SRSF10: variants seen among roughly 807,000 people sequenced by gnomAD.
The protein encoded by SRSF10 is serine and arginine rich splicing factor 10, also known as serine/arginine-rich splicing factor 10.
Under a neutral mutation model 32.6 loss-of-function variants are expected in SRSF10, and 9 were observed. The ratio of observed to expected loss-of-function variants is 0.28; its 90% CI spans 0.17 to 0.48. The LOEUF is 0.48. SRSF10 is among the 20% of genes least tolerant of loss of function. SRSF10 has a pLI of 0.99. For synonymous variants in SRSF10, 105 were observed against 112.4 expected (o/e 0.93, Z 0.42); for missense variants, 201 against 331.8 (o/e 0.61, Z 3.06).
At position 23,965,390 on chromosome 1, in the gene SRSF10, C is replaced by T. The variant is rs1184841981; in HGVS notation, c.*5752G>A. On this transcript the variant is annotated 3_prime_UTR_variant, in exon 6 of 6. Transcript: ENST00000492112. ...AGCCATGCTTAGAGTCTCTGAGCCACACAACCATAAGATCTTCGAGTACGT... is the reference window on the plus strand; with the variant it reads ...AGCCATGCTTAGAGTCTCTGAGCCATACAACCATAAGATCTTCGAGTACGT... The T allele has an allele frequency of 2.0e-5, 3 of 151,970 alleles. No homozygotes were observed. Among genetic ancestry groups the T allele is most frequent in the Non-Finnish European group, 4.4e-5 (3 of 67,850 alleles). The allele number at this position is 151,970 out of a possible 1,614,324, so 9.4% of individuals were successfully genotyped here.
intron 3 of SRSF10, 60 bp from the exon 4 acceptor site, chr1:23,972,072 A>G: frequency 7.3e-7 from 1 of 1,374,286 alleles, no homozygotes; most frequent in East Asian, 2.6e-5. Flanking sequence ...AAAGCCCTCA[A>G]TAAATAGGGA....
chr1:23,972,063 A>C, intron 3 of SRSF10, 51 bp from the exon 4 acceptor site: 1 of 1,408,234 alleles, frequency 7.1e-7, no homozygotes, highest in Non-Finnish European at 9.3e-7. Context: ...AACAGTATTA[A>C]AGCCCTCAAT....
Position 23,968,009 on chromosome 1 carries a change from A to G in SRSF10, c.*3133T>C. The stretch of plus-strand genomic sequence containing the variant: ...AGATCTTAAGTAAAAGGAGAGGTGA[A>G]GTGTGTCAGCCCTCATTTGAGTGTT... On this transcript the variant is annotated 3_prime_UTR_variant, in exon 6 of 6. Coordinates refer to ENST00000492112, the MANE Select transcript of SRSF10 (RefSeq NM_054016.4). 6.5e-7 allele frequency: 1 copy of G among 1,537,364 alleles called. No homozygotes were observed. Among genetic ancestry groups the G allele is most frequent in the African/African-American group, 1.4e-5 (1 of 72,918 alleles).
Position 23,967,945 on chromosome 1 carries a change from T to G in SRSF10, c.*3197A>C. ...GAAGCATTATCTCTCATTTTTCTTCTTGCTTACTTGGCTTCAAAAAAAAAA... is the reference window on the plus strand; with the variant it reads ...GAAGCATTATCTCTCATTTTTCTTCGTGCTTACTTGGCTTCAAAAAAAAAA... On this transcript the variant is annotated 3_prime_UTR_variant, in exon 6 of 6. Coordinates refer to ENST00000492112, the MANE Select transcript of SRSF10 (RefSeq NM_054016.4). 1 of 1,515,576 alleles carries G rather than the reference T, an allele frequency of 6.6e-7. No homozygotes were observed. The highest frequency in any genetic ancestry group is 8.8e-7 in the Non-Finnish European group (1 of 1,134,030). 93.9% of individuals were successfully genotyped at this position (1,515,576 alleles called of 1,614,324 possible). A position where few individuals can be genotyped will look rare whatever the true frequency, so the allele number is the denominator to read the frequency against.
At position 23,965,775 on chromosome 1, in the gene SRSF10, T is replaced by C. The variant is rs1641420493; in HGVS notation, c.*5367A>G. ...CTACCAACTGTTGTTATTGTAGTTATATATGTATTTACCTAATTTTTTTTA... is the reference window on the plus strand; with the variant it reads ...CTACCAACTGTTGTTATTGTAGTTACATATGTATTTACCTAATTTTTTTTA... On this transcript the variant is annotated 3_prime_UTR_variant, in exon 6 of 6. Transcript: ENST00000492112. 1 of 151,974 alleles carries C rather than the reference T, an allele frequency of 6.6e-6. No homozygotes were observed. The highest frequency in any genetic ancestry group is 2.4e-5 in the African/African-American group (1 of 41,444). 9.4% of individuals were successfully genotyped at this position (151,974 alleles called of 1,614,324 possible).
Position 23,971,115 on chromosome 1 carries a change from G to T in SRSF10, c.*27C>A, listed in dbSNP as rs774849934. ...AACTATGAGTAAATGAATGATACATGCCTAAAAATGACCATGGTTTATACT... is the reference window on the plus strand; with the variant it reads ...AACTATGAGTAAATGAATGATACATTCCTAAAAATGACCATGGTTTATACT... On this transcript the variant is annotated 3_prime_UTR_variant, in exon 6 of 6. Coordinates refer to ENST00000492112, the MANE Select transcript of SRSF10 (RefSeq NM_054016.4). The T allele has an allele frequency of 1.3e-6, 2 of 1,564,996 alleles. No homozygotes were observed. Among genetic ancestry groups the T allele is most frequent in the Non-Finnish European group, 1.7e-6 (2 of 1,159,834 alleles).
intron 5 of SRSF10, 51 bp downstream of exon 5, chr1:23,971,522 C>A: frequency 1.3e-6 from 2 of 1,592,486 alleles, no homozygotes; most frequent in Non-Finnish European, 1.7e-6. Context: ...AGCAAAAGTT[C>A]ACTCTGAAAT....
chr1:23,978,862 T>C, intron 1 of SRSF10, 45 bp from the exon 2 acceptor site: 1 of 1,524,844 alleles, frequency 6.6e-7, no homozygotes, highest in African/African-American at 1.4e-5. Flanking sequence ...TCCAAGTCCT[T>C]AAGATGTATA....
Position 23,970,033 on chromosome 1 carries a change from C to G in SRSF10, c.*1109G>C. On this transcript the variant is annotated 3_prime_UTR_variant, in exon 6 of 6. Coordinates refer to ENST00000492112, the MANE Select transcript of SRSF10 (RefSeq NM_054016.4). Reference sequence around the variant, plus strand: ...ACTAGGCACACACACACAAAACCTACTTTGAAACAATTTACTTACTTAACA... The same window carrying G: ...ACTAGGCACACACACACAAAACCTAGTTTGAAACAATTTACTTACTTAACA... 2 of 985,424 alleles carry G rather than the reference C, an allele frequency of 2.0e-6. No individual in the cohort carries two copies. The highest frequency in any genetic ancestry group is 2.4e-6 in the Non-Finnish European group (2 of 829,918). 61.0% of individuals were successfully genotyped at this position (985,424 alleles called of 1,614,324 possible). A position where few individuals can be genotyped will look rare whatever the true frequency, so the allele number is the denominator to read the frequency against.
At chr1:23,973,513 G>T (rs1279466885) in intron 3 of SRSF10, among the ~76,000 whole-genome samples, 4 of 152,008 alleles carry the variant, frequency 2.6e-5, no homozygotes, top group Non-Finnish European at 5.9e-5. Context: ...TGGAGATGGG[G>T]TCTCACTTTG....
Position 23,966,679 on chromosome 1 carries a change from AT to A in SRSF10, c.*4462del. 5.9e-5 allele frequency: 9 copies of A among 152,146 alleles called. 4 individuals carry two copies. The highest frequency in any genetic ancestry group is 5.9e-4 in the Admixed American group (9 of 15,288). 9.4% of individuals were successfully genotyped at this position (152,146 alleles called of 1,614,324 possible). On this transcript the variant is annotated 3_prime_UTR_variant, in exon 6 of 6. Transcript: ENST00000492112. ...CTTATTTTGGGGGTTATATCCTAGC[AT>A]GTGTTTGGTGAGGCAGAGTAAACAA...
chr1:23,978,845 T>G, intron 1 of SRSF10, 28 bp from the exon 2 acceptor site: 2 of 1,589,132 alleles, frequency 1.3e-6, no homozygotes, highest in Non-Finnish European at 1.7e-6. Flanking sequence ...GACCTCAAAT[T>G]TTTATGTCCA....
Position 23,966,504 on chromosome 1 carries a change from G to A in SRSF10, c.*4638C>T, listed in dbSNP as rs907872700. On this transcript the variant is annotated 3_prime_UTR_variant, in exon 6 of 6. Transcript: ENST00000492112. ...ACACAGAACATGTCCCCTATAAAAT[G>A]TACATGTAAATCACTAAAAAGTATA... is the stretch of plus-strand genomic sequence containing the variant. The A allele has an allele frequency of 1.5e-4, 23 of 152,034 alleles. No individual in the cohort carries two copies. The highest frequency in any genetic ancestry group is 4.8e-4 in the African/African-American group (20 of 41,514). The allele number at this position is 152,034 out of a possible 1,614,324, so 9.4% of individuals were successfully genotyped here.
chr1:23,980,112 C>T, intron 1 of SRSF10, 79 bp downstream of exon 1: 1 of 1,423,308 alleles, frequency 7.0e-7, no homozygotes, highest in Admixed American at 2.2e-5. Flanking sequence ...TCCCCCGGCC[C>T]AGTGCCGCCA....
intron 1 of SRSF10, among the ~76,000 whole-genome samples, chr1:23,979,457 C>G (rs1642315039): frequency 6.6e-6 from 1 of 152,106 alleles, no homozygotes; most frequent in Admixed American, 6.5e-5. Flanking sequence ...GTAGTAAGAA[C>G]TCTTCCAAAA....
Position 23,965,624 on chromosome 1 carries a change from C to T in SRSF10, c.*5518G>A, listed in dbSNP as rs1468888794. On this transcript the variant is annotated 3_prime_UTR_variant, in exon 6 of 6. Transcript: ENST00000492112. ...CACATGGTTCGGCACAGTAAGTGCT[C>T]AATAATATTGACAGCATTCAGTATA... 1 of 151,682 alleles carries T rather than the reference C, an allele frequency of 6.6e-6. No homozygotes were observed. The highest frequency in any genetic ancestry group is 1.5e-5 in the Non-Finnish European group (1 of 67,788). 9.4% of individuals were successfully genotyped at this position (151,682 alleles called of 1,614,324 possible). A position where few individuals can be genotyped will look rare whatever the true frequency, so the allele number is the denominator to read the frequency against.
chr1:23,978,178 T>G, intron 2 of SRSF10: 3 of 985,530 alleles, frequency 3.0e-6, no homozygotes, highest in Non-Finnish European at 3.6e-6. Flanking sequence ...TAAGAGGTCT[T>G]TGGCTTGTCT....
At chr1:23,972,039 T>C in intron 3 of SRSF10, 27 bp from the exon 4 acceptor site, 1 of 1,449,868 alleles carries the variant, frequency 6.9e-7, no homozygotes, top group South Asian at 1.6e-5. Context: ...ACAGAAATAT[T>C]TAAAAATATT....
At chr1:23,972,074 A>C in intron 3 of SRSF10, 62 bp from the exon 4 acceptor site, 3 of 1,365,336 alleles carry the variant, frequency 2.2e-6, no homozygotes, top group Non-Finnish European at 2.9e-6. Context: ...AGCCCTCAAT[A>C]AATAGGGAAA....
Sources: gnomAD v4.1 joint callset for allele counts (sites outside exome capture counted in the v4.1 genomes callset) on GRCh38, gnomAD v4.1.1 for gene constraint, MANE v1.5 for transcripts, NCBI Gene and HGNC (gene_info 2026-07-23, HGNC 2026-07-21) for gene names.